PASK: variants seen among roughly 807,000 people sequenced by gnomAD.
The protein encoded by PASK is PAS domain containing serine/threonine kinase.
A neutral mutation model predicts 121.0 loss-of-function variants in PASK; 110 were observed. That is an observed-to-expected ratio of 0.91 (90% CI 0.78 to 1.06). The LOEUF (loss-of-function observed/expected upper bound fraction) is 1.06. Among genes scored for constraint, PASK ranks in the 50% least tolerant of loss-of-function variants. The probability of loss-of-function intolerance (pLI) is 0.00; values close to 1 mark genes in which losing one functional copy is unlikely to be tolerated. For synonymous variants in PASK, 686 were observed against 717.8 expected (o/e 0.96, Z 0.71); for missense variants, 1,643 against 1,702.3 (o/e 0.97, Z 0.61).
intron 12 of PASK, among the ~76,000 whole-genome samples, chr2:241,119,207 G>A (rs1030866043): frequency 5.3e-5 from 8 of 152,250 alleles, no homozygotes; most frequent in Admixed American, 1.3e-4. Context: ...TTAAGGAGAC[G>A]CTGCCAGTAA....
intron 12 of PASK, among the ~76,000 whole-genome samples, chr2:241,118,114 T>C (rs987897888): frequency 6.6e-6 from 1 of 152,144 alleles, no homozygotes; most frequent in Admixed American, 6.5e-5. Flanking sequence ...GTGATTCCTA[T>C]GAGAATCTCA....
intron 9 of PASK, among the ~76,000 whole-genome samples, chr2:241,130,047 A>G (rs1177338848): frequency 6.6e-6 from 1 of 152,194 alleles, no homozygotes; most frequent in East Asian, 1.9e-4. Context: ...GAAGCACCCA[A>G]CGTAGTCCCT....
In PASK at chr2:241,124,000, G is replaced by C; in HGVS notation, c.2853C>G (p.Pro951=). ...ARTRLFLASL[P]GSTHSTAAEL... is the part of the protein sequence containing the mutation. The stretch of plus-strand genomic sequence containing the variant: ...CAGCAGCGGTAGAGTGGGTGGAGCC[G>C]GGCAGGCTGGCAAGGAACAGGCGGG... The change falls in exon 11 of 18, where the codon CCC becomes CCG. Residue 951 remains proline (P), a synonymous_variant. Coordinates refer to ENST00000234040, the MANE Select transcript of PASK (RefSeq NM_015148.4). 6.2e-7 allele frequency: 1 copy of C among 1,613,936 alleles called. No homozygotes were observed. The highest frequency in any genetic ancestry group is 8.5e-7 in the Non-Finnish European group (1 of 1,180,004).
At chr2:241,146,272 T>A (rs2066949341) in intron 1 of PASK, among the ~76,000 whole-genome samples, 2 of 152,228 alleles carry the variant, frequency 1.3e-5, no homozygotes, top group African/African-American at 4.8e-5. Flanking sequence ...GAACTCTTAA[T>A]ACATTAATAT....
rs370628827 is a variant in PASK, at chr2:241,122,792, C to T, written c.3012G>A (p.Pro1004=). The change falls in exon 12 of 18, where the codon CCG becomes CCA. Residue 1004 remains proline (P), a synonymous_variant. Coordinates refer to ENST00000234040, the MANE Select transcript of PASK (RefSeq NM_015148.4). ...CGAAGCCGAAGGCCCCACTGCCCAG[C>T]GGGCTCATGGTACTGTACTTTTGGG... is the stretch of plus-strand genomic sequence containing the variant. ...EYSQKYSTMS[P]LGSGAFGFVW... is the part of the protein sequence containing the mutation. 140 of 1,614,054 alleles carry T rather than the reference C, an allele frequency of 8.7e-5. No individual in the cohort carries two copies. The highest frequency in any genetic ancestry group is 1.2e-4 in the Non-Finnish European group (137 of 1,180,006).
In PASK at chr2:241,143,020, C is replaced by T; in HGVS notation, c.13G>A (p.Gly5Ser). MEDGGLTAFEEDQRC... is the reference protein window; with the variant it reads MEDGSLTAFEEDQRC... ...TGGTCCTCTTCAAAGGCTGTTAAGC[C>T]CCCGTCCTCCATGGGAAGAAGGGAG... Residue 5 changes from glycine to serine, a missense_variant, in exon 2 of 18, where the codon GGC becomes AGC. Physicochemically the swap from Gly to Ser is moderately conservative, Grantham distance 56. Around this residue, in one of 3 missense-constraint regions of PASK, gnomAD observed 1,176 missense variants for 1,162.2 expected, o/e 1.01. Transcript: ENST00000234040. The T allele has an allele frequency of 6.2e-7, 1 of 1,613,750 alleles. No homozygotes were observed. The highest frequency in any genetic ancestry group is 2.2e-5 in the East Asian group (1 of 44,880).
chr2:241,108,358 C>T lies in PASK; in HGVS notation c.3534-58G>A, dbSNP rs975623569. 1.5e-5 allele frequency: 24 copies of T among 1,590,604 alleles called. No individual in the cohort carries two copies. The highest frequency in any genetic ancestry group is 1.3e-4 in the Admixed American group (8 of 59,812). ...GCACTCAGCGCAGGCTTGCCAAGCC[C>T]GCCCATGGGAAGCACCATGGCCCTT... On this transcript the variant is annotated intron_variant, in intron 15 of 17. Coordinates refer to ENST00000234040, the MANE Select transcript of PASK (RefSeq NM_015148.4). The surrounding 1 kb of genome is among the most constrained non-coding windows in gnomAD (Gnocchi z 5.2).
rs544134340 is a variant in PASK, at chr2:241,132,102, A to G, written c.1463+772T>C. Among the ~76,000 whole-genome samples, 18 of 151,620 alleles carry G rather than the reference A, an allele frequency of 1.2e-4. No homozygotes were observed. In the East Asian group the frequency reaches 3.1e-3, roughly 26 times the overall value. On this transcript the variant is annotated intron_variant, in intron 9 of 17. Coordinates refer to ENST00000234040, the MANE Select transcript of PASK (RefSeq NM_015148.4). ...CCGAAGAAGAAAATGGGTTAAAAAT[A>G]CACACACACGTGCTATGTACAATAC...
rs111315867 is a variant in PASK, at chr2:241,114,597, T to C, written c.3333+446A>G. 595 of 1,051,716 alleles carry C rather than the reference T, an allele frequency of 5.7e-4. 3 individuals carry two copies. In the African/African-American group the frequency reaches 8.5e-3, roughly 15 times the overall value. The allele number at this position is 1,051,716 out of a possible 1,614,324, so 65.1% of individuals were successfully genotyped here. Reference sequence around the variant, plus strand: ...ACACGAAACAGATCAAGACAAATACTTACTGAAAAGTGAGAATGTCAGGAT... The same window carrying C: ...ACACGAAACAGATCAAGACAAATACCTACTGAAAAGTGAGAATGTCAGGAT... On this transcript the variant is annotated intron_variant, in intron 14 of 17. Transcript: ENST00000234040.
At chr2:241,138,239 G>A in intron 5 of PASK, 152 bp from the exon 6 acceptor site, 3 of 796,190 alleles carry the variant, frequency 3.8e-6, no homozygotes, top group Non-Finnish European at 6.2e-6. Flanking sequence ...TTTGATAAGA[G>A]CTTCATCATC....
At chr2:241,148,692 G>C (rs1314910184) in intron 1 of PASK, among the ~76,000 whole-genome samples, 1 of 152,184 alleles carries the variant, frequency 6.6e-6, no homozygotes. Context: ...GATTACTCCA[G>C]GGACCATGTC....
chr2:241,144,144 A>G (rs916782515), intron 1 of PASK, among the ~76,000 whole-genome samples: 4 of 151,196 alleles, frequency 2.6e-5, no homozygotes, highest in African/African-American at 9.7e-5. Flanking sequence ...ACATGTGTAC[A>G]TGAGCGTGTG....
intron 4 of PASK, chr2:241,139,672 A>T (rs2066609991): frequency 1.4e-6 from 1 of 705,978 alleles, no homozygotes. Flanking sequence ...CACAGTGTCC[A>T]TTCCTGCGAT....
intron 7 of PASK, 25 bp from the exon 8 acceptor site, chr2:241,136,064 C>T: frequency 6.2e-7 from 1 of 1,607,680 alleles, no homozygotes; most frequent in Non-Finnish European, 8.5e-7. Flanking sequence ...AGGGACATTT[C>T]AGAACCTGGA....
chr2:241,116,998 G>C (rs1349212895), intron 12 of PASK, among the ~76,000 whole-genome samples: 1 of 152,210 alleles, frequency 6.6e-6, no homozygotes, highest in East Asian at 1.9e-4. Flanking sequence ...GAGCGCCTCG[G>C]GGAAGGCCCT....
intron 12 of PASK, among the ~76,000 whole-genome samples, chr2:241,116,126 A>C (rs1383038978): frequency 5.2e-5 from 6 of 115,874 alleles, no homozygotes; most frequent in Admixed American, 3.4e-4. Flanking sequence ...GCATCCCATT[A>C]CACCAGGGCC....
At position 241,126,996 on chromosome 2, in the gene PASK, G is replaced by A. The variant is rs371959153; in HGVS notation, c.1919C>T (p.Thr640Ile). 32 of 1,614,242 alleles carry A rather than the reference G, an allele frequency of 2.0e-5. No individual in the cohort carries two copies. Among genetic ancestry groups the A allele is most frequent in the Non-Finnish European group, 2.5e-5 (29 of 1,180,038 alleles). The change falls in exon 10 of 18, where the codon ACA (threonine) becomes ATA (isoleucine). Residue 640 changes from threonine to isoleucine, a missense_variant. Thr to Ile is a moderately conservative substitution (Grantham distance 89). Transcript: ENST00000234040. ...PSGMAGLSFG[T>I]PTLDEPWLGV... ...CAGCCACGGCTCATCTAGAGTAGGT[G>A]TCCCAAACGAGAGGCCTGCCATCCC...
intron 10 of PASK, among the ~76,000 whole-genome samples, chr2:241,125,624 AAG>A (rs1259357095): frequency 3.3e-5 from 5 of 151,668 alleles, no homozygotes; most frequent in Non-Finnish European, 4.4e-5. Context: ...AAAAAAAAAA[AAG>A]AAATGAAAAT....
At chr2:241,124,185 A>C (rs2065752226) in intron 10 of PASK, 52 bp from the exon 11 acceptor site, 1 of 1,496,570 alleles carries the variant, frequency 6.7e-7, no homozygotes, top group African/African-American at 1.4e-5. Flanking sequence ...CTGGCTAGAC[A>C]GCAGCTTTAG....
Sources: allele counts gnomAD v4.1 joint callset (sites outside exome capture counted in the v4.1 genomes callset), GRCh38; gene constraint gnomAD v4.1.1; regional missense constraint gnomAD v4.1.1; non-coding constraint Gnocchi (gnomAD v3.1); transcripts MANE v1.5; gene names NCBI Gene and HGNC (gene_info 2026-07-23, HGNC 2026-07-21).